The following CADPS2 variants were observed in gnomAD, a reference collection of about 807,000 sequenced individuals.
CADPS2 encodes the protein calcium dependent secretion activator 2.
In CADPS2, 93 loss-of-function variants were observed where a neutral mutation model predicts 172.5. The observed-to-expected ratio is 0.54, with a 90% CI of 0.46 to 0.64. CADPS2 has a LOEUF of 0.64. Among genes scored for constraint, CADPS2 ranks in the 30% least tolerant of loss-of-function variants. CADPS2 has a pLI of 0.00. For synonymous variants in CADPS2, 546 were observed against 555.2 expected (o/e 0.98, Z 0.23); for missense variants, 1,420 against 1,565.9 (o/e 0.91, Z 1.57).
At chr7:122,589,047 A>G (rs1340652205) in intron 6 of CADPS2, among the ~76,000 whole-genome samples, 1 of 151,968 alleles carries the variant, frequency 6.6e-6, no homozygotes, top group Non-Finnish European at 1.5e-5. Context: ...GTTTATGCCA[A>G]TGAGCTGTAG....
intron 17 of CADPS2, among the ~76,000 whole-genome samples, chr7:122,421,585 G>T (rs1329709440): frequency 6.6e-6 from 1 of 151,388 alleles, no homozygotes; most frequent in Non-Finnish European, 1.5e-5. Context: ...TCCATGTAAG[G>T]TACTTCGCTA....
intron 8 of CADPS2, among the ~76,000 whole-genome samples, chr7:122,544,357 T>C (rs2063406941): frequency 1.3e-5 from 2 of 152,172 alleles, no homozygotes; most frequent in African/African-American, 2.4e-5. Flanking sequence ...ATAAATTGAA[T>C]AGGATTTTGT....
In CADPS2 at chr7:122,724,767, T is replaced by C. The variant is rs184070927; in HGVS notation, c.453+12188A>G. 3.0e-3 allele frequency among the ~76,000 whole-genome samples: 449 copies of C among 152,156 alleles called. 2 individuals are homozygous for C. The highest frequency in any genetic ancestry group is 5.3e-3 in the Non-Finnish European group (361 of 67,978). On this transcript the variant is annotated intron_variant, in intron 2 of 29. Coordinates refer to ENST00000449022, the MANE Select transcript of CADPS2 (RefSeq NM_017954.11). ...TTTTTTCCCATGTGTTTAAATTCTA[T>C]TTCCTCTGTGCTGAAGCCTCCACAA...
At chr7:122,489,589 G>C (rs1390685486) in intron 11 of CADPS2, among the ~76,000 whole-genome samples, 1 of 151,820 alleles carries the variant, frequency 6.6e-6, no homozygotes, top group Non-Finnish European at 1.5e-5. Context: ...AGGTACAAGG[G>C]GAAAAAAGTT....
intron 9 of CADPS2, among the ~76,000 whole-genome samples, chr7:122,507,837 T>C (rs991377113): frequency 2.6e-5 from 4 of 152,164 alleles, no homozygotes; most frequent in Non-Finnish European, 4.4e-5. Context: ...AATGGAATGC[T>C]GTTTTTGCTA....
At chr7:122,582,258 A>T (rs1019701425) in intron 6 of CADPS2, among the ~76,000 whole-genome samples, 14 of 152,152 alleles carry the variant, frequency 9.2e-5, no homozygotes, top group African/African-American at 2.9e-4. Flanking sequence ...TATTTTATAA[A>T]TCTCATTCGG....
At chr7:122,744,781 AC>A (rs1346270117) in intron 1 of CADPS2, among the ~76,000 whole-genome samples, 1 of 152,176 alleles carries the variant, frequency 6.6e-6, no homozygotes, top group African/African-American at 2.4e-5. Context: ...TAAGTGAATG[AC>A]GCCTACCCAC....
chr7:122,421,854 T>C (rs2048566479), intron 17 of CADPS2: 1 of 152,192 alleles, frequency 6.6e-6, no homozygotes, highest in Non-Finnish European at 1.5e-5. Flanking sequence ...GTGTATATCA[T>C]ATGGAGTTTT....
At chr7:122,551,916 A>T (rs1429247106) in intron 8 of CADPS2, among the ~76,000 whole-genome samples, 1 of 152,194 alleles carries the variant, frequency 6.6e-6, no homozygotes, top group Non-Finnish European at 1.5e-5. Flanking sequence ...AAATGTAATT[A>T]AGTGCAGTAA....
At chr7:122,496,559 C>A (rs2058744487) in intron 9 of CADPS2, among the ~76,000 whole-genome samples, 1 of 152,148 alleles carries the variant, frequency 6.6e-6, no homozygotes, top group Non-Finnish European at 1.5e-5. Context: ...TTAGCCTCAT[C>A]TCACAAGTAG....
rs1411524229 is a variant in CADPS2 at position 122,699,326 on chromosome 7, A to G, written c.454-35757T>C. Among the ~76,000 whole-genome samples, 3 of 152,208 alleles carry G rather than the reference A, an allele frequency of 2.0e-5. No homozygotes were observed. In the East Asian group the frequency reaches 5.8e-4, roughly 29 times the overall value. ...ATAATGGTAGTAGATAGCACATTAA[A>G]CTAAAAATTAAATCTAAAATTCATA... is the stretch of plus-strand genomic sequence containing the variant. On this transcript the variant is annotated intron_variant, in intron 2 of 29. Coordinates refer to ENST00000449022, the MANE Select transcript of CADPS2 (RefSeq NM_017954.11).
chr7:122,498,748 T>C (rs948764248), intron 9 of CADPS2, among the ~76,000 whole-genome samples: 1 of 152,180 alleles, frequency 6.6e-6, no homozygotes, highest in Non-Finnish European at 1.5e-5. Context: ...GTTATTTTCT[T>C]TTTTGTTATT....
intron 2 of CADPS2, among the ~76,000 whole-genome samples, chr7:122,710,735 C>A (rs2088567129): frequency 6.6e-6 from 1 of 152,058 alleles, no homozygotes; most frequent in Non-Finnish European, 1.5e-5. Flanking sequence ...TCTCCCTAGC[C>A]AAAACCACCT....
At chr7:122,752,933 G>A (rs2093009802) in intron 1 of CADPS2, among the ~76,000 whole-genome samples, 1 of 152,130 alleles carries the variant, frequency 6.6e-6, no homozygotes, top group Non-Finnish European at 1.5e-5. Context: ...GTTGTAGAAA[G>A]GAAGGAAACA....
intron 17 of CADPS2, among the ~76,000 whole-genome samples, chr7:122,435,398 G>A (rs2050502399): frequency 6.6e-6 from 1 of 152,058 alleles, no homozygotes; most frequent in East Asian, 1.9e-4. Context: ...ACACATAAAT[G>A]AAAAGGTGCT....
At chr7:122,568,977 G>A (rs10155830) in intron 7 of CADPS2, among the ~76,000 whole-genome samples, 17,312 of 152,098 alleles carry the variant, frequency 0.11, 1,280 homozygotes, top group African/African-American at 0.2. Context: ...GCACAAGACA[G>A]GGATGCCCTC....
At chr7:122,455,972 G>T (rs1453697679) in intron 14 of CADPS2, among the ~76,000 whole-genome samples, 1 of 152,032 alleles carries the variant, frequency 6.6e-6, no homozygotes, top group African/African-American at 2.4e-5. Flanking sequence ...CAAAGTGCTG[G>T]GATTACAGGA....
chr7:122,513,807 A>G (rs1256202852), intron 8 of CADPS2, among the ~76,000 whole-genome samples: 2 of 152,188 alleles, frequency 1.3e-5, no homozygotes, highest in Non-Finnish European at 2.9e-5. Flanking sequence ...CCATGTCCTC[A>G]CCTATCAAAC....
At chr7:122,702,788 C>A in intron 2 of CADPS2, 1 of 1,424,814 alleles carries the variant, frequency 7.0e-7, no homozygotes. Flanking sequence ...CATGAGAAAA[C>A]AAAACAACAT....
Sources: allele counts gnomAD v4.1 joint callset (sites outside exome capture counted in the v4.1 genomes callset), GRCh38; gene constraint gnomAD v4.1.1; transcripts MANE v1.5; gene names NCBI Gene and HGNC (gene_info 2026-07-23, HGNC 2026-07-21).